The following THAP12 variants were observed in gnomAD, a reference collection of about 807,000 sequenced individuals.
The protein encoded by THAP12 is 52 kDa repressor of the inhibitor of the protein kinase.
Under a neutral mutation model 63.0 loss-of-function variants are expected in THAP12, and 20 were observed. The observed-to-expected ratio is 0.32, with a 90% confidence interval of 0.22 to 0.46. The LOEUF (loss-of-function observed/expected upper bound fraction) is 0.46. THAP12 is among the 20% of genes least tolerant of loss of function. The pLI is 1.00. For synonymous variants in THAP12, 264 were observed against 328.4 expected (o/e 0.80, Z 2.12); for missense variants, 568 against 908.2 (o/e 0.63, Z 4.81).
At chr11:76,376,639 T>TTTC (rs71036088) in intron 1 of THAP12, among the ~76,000 whole-genome samples, 1 of 148,904 alleles carries the variant, frequency 6.7e-6, no homozygotes, top group Non-Finnish European at 1.5e-5. Context: ...TTTTTTTTTT[T>TTTC]CAGGTAAGAG....
intron 2 of THAP12, 25 bp from the exon 3 acceptor site, chr11:76,361,088 C>A: frequency 7.0e-7 from 1 of 1,430,904 alleles, no homozygotes; most frequent in Non-Finnish European, 9.8e-7. Flanking sequence ...TGTGTTAATT[C>A]AGAGATGGTC....
At position 76,351,033 on chromosome 11, in the gene THAP12, G is replaced by A. The variant is rs181335359; in HGVS notation, c.2117C>T (p.Ala706Val). ...RYENGRKRLK[A>V]YLRNTLTDQR... is the part of the protein sequence containing the mutation. ...GTCTGTCAAAGTGTTCCTCAAATAT[G>A]CTTTAAGACGCTTTCGTCCATTTTC... Residue 706 changes from alanine to valine, a missense_variant, in exon 5 of 5, where the codon GCA (alanine) becomes GTA (valine). Coordinates refer to ENST00000260045, the MANE Select transcript of THAP12 (RefSeq NM_004705.4). 1 of 1,611,956 alleles carries A rather than the reference G, an allele frequency of 6.2e-7. No individual in the cohort carries two copies. Among genetic ancestry groups the A allele is most frequent in the East Asian group, 2.2e-5 (1 of 44,882 alleles).
At chr11:76,368,176 C>CT (rs1389999531) in intron 1 of THAP12, among the ~76,000 whole-genome samples, 3 of 152,186 alleles carry the variant, frequency 2.0e-5, no homozygotes. Context: ...AACAGCAACT[C>CT]TTATTCAGAC....
chr11:76,355,563 G>T, intron 4 of THAP12, 55 bp downstream of exon 4: 6 of 1,477,330 alleles, frequency 4.1e-6, no homozygotes, highest in Non-Finnish European at 5.5e-6. Flanking sequence ...TCCTTACCAG[G>T]TCAAGGCCTT....
chr11:76,379,342 C>T (rs1946733127), intron 1 of THAP12, among the ~76,000 whole-genome samples: 1 of 152,272 alleles, frequency 6.6e-6, no homozygotes, highest in East Asian at 1.9e-4. Context: ...AGCCACTGAT[C>T]CTGTTAAAAT....
At chr11:76,368,266 T>A (rs184693922) in intron 1 of THAP12, among the ~76,000 whole-genome samples, 13 of 152,274 alleles carry the variant, frequency 8.5e-5, no homozygotes, top group Non-Finnish European at 1.9e-4. Context: ...TAAGAATAAA[T>A]CTAGTGAAAG....
chr11:76,366,478 G>A (rs758930196), intron 1 of THAP12, among the ~76,000 whole-genome samples: 5 of 152,164 alleles, frequency 3.3e-5, no homozygotes, highest in Admixed American at 6.5e-5. Context: ...TCAGGAGATC[G>A]AGACCATCCT....
intron 1 of THAP12, among the ~76,000 whole-genome samples, chr11:76,374,214 AC>A (rs1946693175): frequency 6.6e-6 from 1 of 152,226 alleles, no homozygotes; most frequent in African/African-American, 2.4e-5. Context: ...TTGAAATGTG[AC>A]ATCTGAGACC....
chr11:76,352,380 G>T lies in THAP12; in HGVS notation c.770C>A (p.Ser257Ter), dbSNP rs745916599. 2 of 1,611,992 alleles carry T rather than the reference G, an allele frequency of 1.2e-6. No individual in the cohort carries two copies. The highest frequency in any genetic ancestry group is 1.7e-5 in the Admixed American group (1 of 60,008). ...REETLREVRD[S>*]HFFSIITDDV... ...GTCAGTGATAATGGAAAAGAAGTGT[G>T]AGTCTCTCACTTCCCTGAGAGTTTC... is the stretch of plus-strand genomic sequence containing the variant. Residue 257 changes from serine (S) to a stop codon, truncating the protein, a stop_gained, in exon 5 of 5, where the codon TCA becomes TAA. Coordinates refer to ENST00000260045, the MANE Select transcript of THAP12 (RefSeq NM_004705.4). LOFTEE classifies it high-confidence loss of function.
At chr11:76,376,618 TTTTTTG>T (rs1262692739) in intron 1 of THAP12, among the ~76,000 whole-genome samples, 2 of 141,086 alleles carry the variant, frequency 1.4e-5, no homozygotes, top group African/African-American at 2.7e-5. Flanking sequence ...TGTCTATGTT[TTTTTTG>T]TTTTTTTTTT....
In THAP12 at chr11:76,361,171, A is replaced by G. The variant is rs780370159; in HGVS notation, c.211-108T>C. Reference sequence around the variant, plus strand: ...ACAATATTCCTTCAACTCCAGCTCTAAAGTATAGAGACTTACAGAATTTGA... The same window carrying G: ...ACAATATTCCTTCAACTCCAGCTCTGAAGTATAGAGACTTACAGAATTTGA... On this transcript the variant is annotated intron_variant, in intron 2 of 4. Transcript: ENST00000260045. 2.2e-5 allele frequency: 15 copies of G among 695,534 alleles called. 1 individual carries two copies. Among genetic ancestry groups the G allele is most frequent in the South Asian group, 5.9e-5 (3 of 51,050 alleles). 43.1% of individuals were successfully genotyped at this position (695,534 alleles called of 1,614,324 possible).
chr11:76,365,590 T>C (rs1946626008), intron 2 of THAP12, among the ~76,000 whole-genome samples: 2 of 152,156 alleles, frequency 1.3e-5, no homozygotes, highest in South Asian at 4.1e-4. Context: ...TCTGGCCATG[T>C]TGCCCAGGCT....
chr11:76,355,972 G>A (rs972218065), intron 3 of THAP12: 1 of 194,992 alleles, frequency 5.1e-6, no homozygotes, highest in Non-Finnish European at 1.0e-5. Context: ...AATACACCAT[G>A]GCACTTGGAG....
intron 1 of THAP12, among the ~76,000 whole-genome samples, chr11:76,370,351 G>T (rs964619570): frequency 2.7e-4 from 40 of 147,078 alleles, no homozygotes; most frequent in African/African-American, 9.5e-4. Flanking sequence ...GTGATCTTCT[G>T]TGCATATGTT....
intron 1 of THAP12, among the ~76,000 whole-genome samples, chr11:76,366,457 A>G (rs12577750): frequency 0.072 from 10,951 of 152,280 alleles, 632 homozygotes; most frequent in African/African-American, 0.15. Context: ...CAAGGCAGGC[A>G]GATCAGGAGG....
At chr11:76,359,825 G>C (rs938293265) in intron 3 of THAP12, among the ~76,000 whole-genome samples, 3 of 148,522 alleles carry the variant, frequency 2.0e-5, no homozygotes, top group African/African-American at 2.5e-5. Flanking sequence ...ACTCTGTCTC[G>C]GGGGGGAAAA....
rs9666751 is a variant in THAP12 at position 76,351,863 on chromosome 11, G to A, written c.1287C>T (p.Gly429=). The A allele has an allele frequency of 6.2e-7, 1 of 1,602,618 alleles. No homozygotes were observed. The highest frequency in any genetic ancestry group is 2.2e-5 in the East Asian group (1 of 44,764). The stretch of plus-strand genomic sequence containing the variant: ...CTAAAATTTCAAAAGCATCATGCCT[G>A]CCTGTCCACTGAGAATGGCAGATTT... ...LKEICHSQWT[G]RHDAFEILVE... is the part of the protein sequence containing the mutation. Residue 429 remains glycine (G), a synonymous_variant, in exon 5 of 5, where the codon GGC becomes GGT. Transcript: ENST00000260045.
At chr11:76,376,860 A>T (rs1946714898) in intron 1 of THAP12, among the ~76,000 whole-genome samples, 1 of 152,222 alleles carries the variant, frequency 6.6e-6, no homozygotes, top group African/African-American at 2.4e-5. Flanking sequence ...CCTGTGGTCC[A>T]GAACTGACTA....
intron 1 of THAP12, among the ~76,000 whole-genome samples, chr11:76,380,404 GC>G (rs1359190498): frequency 4.6e-5 from 7 of 152,164 alleles, no homozygotes. Flanking sequence ...GGAAACTAAC[GC>G]CCAGAGAGGA....
Sources: allele counts gnomAD v4.1 joint callset (sites outside exome capture counted in the v4.1 genomes callset), GRCh38; gene constraint gnomAD v4.1.1; transcripts MANE v1.5; gene names NCBI Gene and HGNC (gene_info 2026-07-23, HGNC 2026-07-21).